SCG5: variants seen among roughly 807,000 people sequenced by gnomAD.
SCG5 encodes secretogranin V.
Under a neutral mutation model 25.7 loss-of-function variants are expected in SCG5, and 18 were observed. The observed-to-expected ratio is 0.70, with a 90% CI of 0.48 to 1.04. The LOEUF (loss-of-function observed/expected upper bound fraction) is 1.04, where lower values mean the gene tolerates loss of function less well. Among genes scored for constraint, SCG5 ranks in the 50% least tolerant of loss-of-function variants. The probability of loss-of-function intolerance (pLI) is 0.00; values close to 1 mark genes in which losing one functional copy is unlikely to be tolerated. For missense variants in SCG5, 206 were observed against 259.8 expected (o/e 0.79, Z 1.42); for synonymous variants, 101 against 91.7 (o/e 1.10, Z -0.58).
intron 2 of SCG5, chr15:32,665,665 G>A (rs1391631192): frequency 6.6e-6 from 1 of 152,172 alleles, no homozygotes; most frequent in South Asian, 2.1e-4. Context: ...TTTGTTTTTC[G>A]TGGCAGTTTC....
At chr15:32,664,477 C>T (rs902791763) in intron 2 of SCG5, among the ~76,000 whole-genome samples, 2 of 152,168 alleles carry the variant, frequency 1.3e-5, no homozygotes, top group Admixed American at 6.5e-5. Context: ...GGTGAAAAAT[C>T]CAAGATGGCG....
At position 32,641,734 on chromosome 15, in the gene SCG5, C is replaced by G. The variant is rs1000669647; in HGVS notation, c.-52C>G. 6.6e-6 allele frequency: 1 copy of G among 152,306 alleles called. No individual in the cohort carries two copies. Among genetic ancestry groups the G allele is most frequent in the African/African-American group, 2.4e-5 (1 of 41,448 alleles). The allele number at this position is 152,306 out of a possible 1,614,324, so 9.4% of individuals were successfully genotyped here. Reference sequence around the variant, plus strand: ...CAGTTCGCCCGTTCCTGGCCTGACCCCCACCAAGGCCCATACCGCAGTAGG... The same window carrying G: ...CAGTTCGCCCGTTCCTGGCCTGACCGCCACCAAGGCCCATACCGCAGTAGG... On this transcript the variant is annotated 5_prime_UTR_variant, in exon 1 of 6. Coordinates refer to ENST00000300175, the MANE Select transcript of SCG5 (RefSeq NM_001144757.3).
intron 2 of SCG5, among the ~76,000 whole-genome samples, chr15:32,661,063 G>A (rs898568793): frequency 1.6e-4 from 24 of 152,168 alleles, no homozygotes; most frequent in African/African-American, 5.8e-4. Context: ...TCTACTATGT[G>A]CCAAACACTT....
chr15:32,644,198 T>G (rs2053909603), intron 2 of SCG5, among the ~76,000 whole-genome samples: 1 of 152,202 alleles, frequency 6.6e-6, no homozygotes, highest in Non-Finnish European at 1.5e-5. Context: ...AGACATGATG[T>G]TTTCTCCTCA....
Position 32,696,625 on chromosome 15 carries a change from C to G in SCG5, c.*16C>G. On this transcript the variant is annotated 3_prime_UTR_variant, in exon 6 of 6. Coordinates refer to ENST00000300175, the MANE Select transcript of SCG5 (RefSeq NM_001144757.3). ...TCCAGAGTAAAGAGAAGATGCTAGA[C>G]GAAAACCCACATTACCTGTTAGGCC... 1 of 1,550,690 alleles carries G rather than the reference C, an allele frequency of 6.4e-7. No homozygotes were observed.
intron 2 of SCG5, among the ~76,000 whole-genome samples, chr15:32,657,686 G>A (rs896772957): frequency 1.8e-4 from 28 of 152,138 alleles, no homozygotes; most frequent in African/African-American, 6.5e-4. Context: ...TCTTGTGGGC[G>A]TCTCTGGCAG....
At chr15:32,691,533 C>T (rs557195332) in intron 4 of SCG5, among the ~76,000 whole-genome samples, 177 bp from the exon 5 acceptor site, 36 of 152,340 alleles carry the variant, frequency 2.4e-4, no homozygotes, top group African/African-American at 8.2e-4. Context: ...CGAACCACCA[C>T]CAGCTTTACT....
intron 2 of SCG5, among the ~76,000 whole-genome samples, chr15:32,668,607 G>C (rs556435014): frequency 6.6e-6 from 1 of 152,334 alleles, no homozygotes; most frequent in African/African-American, 2.4e-5. Flanking sequence ...ATCCCATCCA[G>C]AATGGGTCCA....
intron 3 of SCG5, among the ~76,000 whole-genome samples, chr15:32,684,245 G>A (rs1203012855): frequency 1.3e-5 from 2 of 152,154 alleles, no homozygotes; most frequent in East Asian, 3.8e-4. Context: ...CCCACATTCT[G>A]TTGGCCTCCA....
chr15:32,648,818 C>CTG (rs1467112629), intron 2 of SCG5, among the ~76,000 whole-genome samples: 1 of 151,156 alleles, frequency 6.6e-6, no homozygotes, highest in African/African-American at 2.4e-5. Flanking sequence ...GTCCCCCAGG[C>CTG]TGGAGTGCAA....
At chr15:32,656,494 C>T (rs1288301097) in intron 2 of SCG5, among the ~76,000 whole-genome samples, 1 of 152,198 alleles carries the variant, frequency 6.6e-6, no homozygotes, top group African/African-American at 2.4e-5. Flanking sequence ...TTTATCATTG[C>T]CCACAATCAC....
intron 3 of SCG5, among the ~76,000 whole-genome samples, chr15:32,681,982 C>A (rs2054628184): frequency 6.6e-6 from 1 of 152,122 alleles, no homozygotes; most frequent in Non-Finnish European, 1.5e-5. Flanking sequence ...AAACCTGAAT[C>A]CCTGCCTGGC....
chr15:32,663,210 A>T (rs1035129096), intron 2 of SCG5, among the ~76,000 whole-genome samples: 1 of 151,460 alleles, frequency 6.6e-6, no homozygotes, highest in Admixed American at 6.6e-5. Context: ...TATACAATGT[A>T]ATGGTTTTTG....
intron 2 of SCG5, among the ~76,000 whole-genome samples, chr15:32,644,696 A>G (rs930898542): frequency 1.1e-4 from 16 of 152,214 alleles, no homozygotes; most frequent in Admixed American, 1.0e-3. Context: ...AAGAAGTAGC[A>G]TGGTTAATTT....
At chr15:32,648,767 T>C in intron 2 of SCG5, among the ~76,000 whole-genome samples, 2 of 98,786 alleles carry the variant, frequency 2.0e-5, no homozygotes, top group East Asian at 3.7e-4. Flanking sequence ...TCTGTTGCAG[T>C]CTCCTTTTTT....
intron 2 of SCG5, among the ~76,000 whole-genome samples, chr15:32,663,457 A>G (rs1041437085): frequency 6.6e-6 from 1 of 152,110 alleles, no homozygotes; most frequent in Non-Finnish European, 1.5e-5. Flanking sequence ...GTCCTAGCCA[A>G]TGCTATACCA....
chr15:32,655,037 G>A (rs140701134), intron 2 of SCG5, among the ~76,000 whole-genome samples: 1 of 152,296 alleles, frequency 6.6e-6, no homozygotes, highest in African/African-American at 2.4e-5. Flanking sequence ...TGCCGGGCAT[G>A]GTAGCTCATG....
chr15:32,696,673 G>A lies in SCG5; in HGVS notation c.*64G>A, dbSNP rs2054974129. On this transcript the variant is annotated 3_prime_UTR_variant, in exon 6 of 6. Transcript: ENST00000300175. ...GCCTCAGCATGGCTTATGTGCACGT[G>A]TAAATGGAGTCCCTGTGAATGACAG... 1.1e-6 allele frequency: 1 copy of A among 933,924 alleles called. No individual in the cohort carries two copies. Among genetic ancestry groups the A allele is most frequent in the Non-Finnish European group, 1.7e-6 (1 of 576,742 alleles). The allele number at this position is 933,924 out of a possible 1,614,324, so 57.9% of individuals were successfully genotyped here.
chr15:32,657,209 A>ATATATATATATATGTATGTATG, intron 2 of SCG5, among the ~76,000 whole-genome samples: 4 of 38,736 alleles, frequency 1.0e-4, no homozygotes, highest in East Asian at 7.8e-4. Context: ...GTATATATAT[A>ATATATATATATATGTATGTATG]TATGTATGTA....
Sources: allele counts gnomAD v4.1 joint callset (sites outside exome capture counted in the v4.1 genomes callset), GRCh38; gene constraint gnomAD v4.1.1; transcripts MANE v1.5; gene names NCBI Gene and HGNC (gene_info 2026-07-23, HGNC 2026-07-21).